Variants in NETO2 observed in about 807,000 individuals in gnomAD.
NETO2 encodes neuropilin and tolloid-like protein 2.
In NETO2, 28 loss-of-function variants were observed where a neutral mutation model predicts 62.5. That is an observed-to-expected ratio of 0.45 (90% CI 0.33 to 0.61). NETO2 has a LOEUF of 0.61. Ranked by LOEUF, NETO2 falls within the 20% of genes least tolerant of loss-of-function variation. The pLI is 0.02. For missense variants in NETO2, 548 were observed against 643.2 expected (o/e 0.85, Z 1.60); for synonymous variants, 214 against 219.1 (o/e 0.98, Z 0.21).
At chr16:47,124,634 T>C (rs1964117443) in intron 4 of NETO2, among the ~76,000 whole-genome samples, 1 of 152,244 alleles carries the variant, frequency 6.6e-6, no homozygotes, top group South Asian at 2.1e-4. Context: ...ATCCACATTT[T>C]AATAAGGCTT....
chr16:47,083,092 T>C lies in NETO2; in HGVS notation c.*129A>G, dbSNP rs1963102621. The C allele has an allele frequency of 3.9e-6, 3 of 765,396 alleles. No individual in the cohort carries two copies. Among genetic ancestry groups the C allele is most frequent in the Admixed American group, 2.8e-5 (1 of 35,548 alleles). The allele number at this position is 765,396 out of a possible 1,614,324, so 47.4% of individuals were successfully genotyped here. A position where few individuals can be genotyped will look rare whatever the true frequency, so the allele number is the denominator to read the frequency against. On this transcript the variant is annotated 3_prime_UTR_variant, in exon 9 of 9. Transcript: ENST00000562435. ...AGAGAATAAAAACATCACCATACAA[T>C]AGGTTAACGGTAAATCAAGGTCTTC...
chr16:47,117,232 T>C (rs1457737761), intron 6 of NETO2, among the ~76,000 whole-genome samples: 1 of 152,134 alleles, frequency 6.6e-6, no homozygotes, highest in Admixed American at 6.6e-5. Context: ...AGAGAAAAAA[T>C]AGTCATTCAA....
chr16:47,087,896 G>A (rs1963229768), intron 7 of NETO2, among the ~76,000 whole-genome samples: 1 of 152,074 alleles, frequency 6.6e-6, no homozygotes, highest in South Asian at 2.1e-4. Context: ...CTATCCTTGT[G>A]TATGTAAACC....
At chr16:47,129,567 C>T (rs564206858) in intron 2 of NETO2, among the ~76,000 whole-genome samples, 7 of 152,126 alleles carry the variant, frequency 4.6e-5, no homozygotes, top group Admixed American at 1.3e-4. Flanking sequence ...ACAAGTTTGC[C>T]GTGTAAGAGA....
rs576238044 is a variant in NETO2 at position 47,092,588 on chromosome 16, G to A, written c.884-6249C>T. 3.3e-5 allele frequency among the ~76,000 whole-genome samples: 5 copies of A among 152,270 alleles called. No individual in the cohort carries two copies. In the East Asian group the frequency reaches 5.8e-4, roughly 18 times the overall value. On this transcript the variant is annotated intron_variant, in intron 7 of 8. Transcript: ENST00000562435. ...TGGACAGCACAGGTGCACAGAAACC[G>A]AGGGAAAAATAAGAAGGCTAAAAGC...
intron 4 of NETO2, among the ~76,000 whole-genome samples, chr16:47,125,413 T>C (rs1964136277): frequency 6.6e-6 from 1 of 151,796 alleles, no homozygotes; most frequent in Non-Finnish European, 1.5e-5. Context: ...TGGTGTAATA[T>C]TGGCTCTCTG....
chr16:47,117,260 C>A (rs1429559575), intron 6 of NETO2, among the ~76,000 whole-genome samples: 1 of 152,186 alleles, frequency 6.6e-6, no homozygotes, highest in Admixed American at 6.5e-5. Flanking sequence ...CTCCCTTATA[C>A]AAGATGCATC....
intron 7 of NETO2, among the ~76,000 whole-genome samples, chr16:47,092,500 G>A (rs1288735230): frequency 2.0e-5 from 3 of 152,114 alleles, no homozygotes; most frequent in Non-Finnish European, 2.9e-5. Context: ...GATAGCACAC[G>A]TCGGTTTAGA....
intron 1 of NETO2, among the ~76,000 whole-genome samples, chr16:47,139,009 G>A (rs960382694): frequency 2.0e-5 from 3 of 152,094 alleles, no homozygotes; most frequent in South Asian, 2.1e-4. Flanking sequence ...CTAAATAAGC[G>A]CTACATTTTC....
chr16:47,110,428 T>A (rs751204395), intron 6 of NETO2, among the ~76,000 whole-genome samples: 2 of 152,350 alleles, frequency 1.3e-5, no homozygotes, highest in South Asian at 4.1e-4. Flanking sequence ...TCTTACATTG[T>A]GAATTTAGAT....
In NETO2 at chr16:47,086,331, T is replaced by C. The variant is rs768643455; in HGVS notation, c.892A>G (p.Thr298Ala). The C allele has an allele frequency of 6.2e-7, 1 of 1,608,822 alleles. No homozygotes were observed. Among genetic ancestry groups the C allele is most frequent in the South Asian group, 1.1e-5 (1 of 90,960 alleles). The part of the protein sequence containing the change: ...LFTSFVEPPC[T>A]SSTFFCHSNM... ...CTATGGCAAAAGAAAGTGCTGCTTG[T>C]GCAGGGAGCTGCAGGAAGAGAAAAC... The change falls in exon 8 of 9, where the codon ACA (threonine) becomes GCA (alanine). Residue 298 changes from threonine to alanine, a missense_variant. Coordinates refer to ENST00000562435, the MANE Select transcript of NETO2 (RefSeq NM_018092.5).
At chr16:47,121,558 C>T (rs968002454) in intron 6 of NETO2, among the ~76,000 whole-genome samples, 3 of 152,306 alleles carry the variant, frequency 2.0e-5, no homozygotes, top group East Asian at 1.9e-4. Flanking sequence ...TGAGACTAAA[C>T]CCAGAAAAAC....
chr16:47,078,783 C>A lies in NETO2; in HGVS notation c.*4438G>T, dbSNP rs555110224. The A allele has an allele frequency of 6.6e-6, 1 of 152,168 alleles. No homozygotes were observed. Among genetic ancestry groups the A allele is most frequent in the Non-Finnish European group, 1.5e-5 (1 of 68,040 alleles). 9.4% of individuals were successfully genotyped at this position (152,168 alleles called of 1,614,324 possible). A position where few individuals can be genotyped will look rare whatever the true frequency, so the allele number is the denominator to read the frequency against. ...GGAGCTCTTCCTGCCTAGTATCGAG[C>A]CTGTATACTGTTAACAAACATTGCT... is the stretch of plus-strand genomic sequence containing the variant. On this transcript the variant is annotated 3_prime_UTR_variant, in exon 9 of 9. Coordinates refer to ENST00000562435, the MANE Select transcript of NETO2 (RefSeq NM_018092.5).
chr16:47,101,577 C>T (rs1411720986), intron 7 of NETO2, among the ~76,000 whole-genome samples: 2 of 152,218 alleles, frequency 1.3e-5, no homozygotes, highest in Non-Finnish European at 2.9e-5. Flanking sequence ...TGATAAGCAA[C>T]TTCAGCAAAG....
intron 8 of NETO2, among the ~76,000 whole-genome samples, chr16:47,085,446 A>G (rs1963165763): frequency 6.6e-6 from 1 of 152,066 alleles, no homozygotes; most frequent in Non-Finnish European, 1.5e-5. Flanking sequence ...CAATGGCGCA[A>G]TCTCGGCTCA....
At chr16:47,138,969 TG>T (rs1964412498) in intron 1 of NETO2, among the ~76,000 whole-genome samples, 1 of 152,252 alleles carries the variant, frequency 6.6e-6, no homozygotes, top group African/African-American at 2.4e-5. Context: ...TCCTTCCTGT[TG>T]TTCAGGTCTT....
At chr16:47,138,691 G>A (rs558694469) in intron 1 of NETO2, among the ~76,000 whole-genome samples, 16 of 152,192 alleles carry the variant, frequency 1.1e-4, no homozygotes, top group Non-Finnish European at 2.4e-4. Flanking sequence ...TATGTACACA[G>A]CAGCCAGTGA....
intron 6 of NETO2, among the ~76,000 whole-genome samples, chr16:47,118,160 A>C (rs1461250052): frequency 6.6e-6 from 1 of 152,104 alleles, no homozygotes; most frequent in Non-Finnish European, 1.5e-5. Flanking sequence ...GCAGACAATC[A>C]ACTAAGTTGT....
At chr16:47,097,546 C>T (rs1447591724) in intron 7 of NETO2, among the ~76,000 whole-genome samples, 1 of 152,204 alleles carries the variant, frequency 6.6e-6, no homozygotes, top group African/African-American at 2.4e-5. Context: ...GATAAAACTC[C>T]CATCTCCGTG....
Sources: gnomAD v4.1 joint callset for allele counts (sites outside exome capture counted in the v4.1 genomes callset) on GRCh38, gnomAD v4.1.1 for gene constraint, MANE v1.5 for transcripts, NCBI Gene and HGNC (gene_info 2026-07-23, HGNC 2026-07-21) for gene names.